DOCK10: variants seen among roughly 807,000 people sequenced by gnomAD.
DOCK10 encodes dedicator of cytokinesis protein 10.
In DOCK10, 145 loss-of-function variants were observed where a neutral mutation model predicts 280.1. That is an observed-to-expected ratio of 0.52 (90% CI 0.45 to 0.59). DOCK10 has a LOEUF of 0.59. Among genes scored for constraint, DOCK10 ranks in the 20% least tolerant of loss-of-function variants. DOCK10 has a pLI of 0.00. For missense variants in DOCK10, 2,368 were observed against 2,651.7 expected (o/e 0.89, Z 2.35); for synonymous variants, 915 against 942.2 (o/e 0.97, Z 0.53).
intron 1 of DOCK10, among the ~76,000 whole-genome samples, chr2:225,004,209 A>G (rs1706512717): frequency 6.6e-6 from 1 of 152,228 alleles, no homozygotes; most frequent in Non-Finnish European, 1.5e-5. Context: ...ATCCTCTTGG[A>G]TTATTTAAGC....
intron 26 of DOCK10, among the ~76,000 whole-genome samples, chr2:224,832,306 A>G (rs1318987143): frequency 6.6e-6 from 1 of 152,172 alleles, no homozygotes; most frequent in Non-Finnish European, 1.5e-5. Context: ...CATTCAACAA[A>G]TTCTGTTCTG....
At chr2:224,976,453 T>A (rs1267379329) in intron 1 of DOCK10, among the ~76,000 whole-genome samples, 1 of 152,124 alleles carries the variant, frequency 6.6e-6, no homozygotes, top group Admixed American at 6.5e-5. Context: ...ACAGGACAGA[T>A]AATAGTCCCC....
At chr2:224,831,058 C>T (rs915497606) in intron 26 of DOCK10, among the ~76,000 whole-genome samples, 3 of 152,042 alleles carry the variant, frequency 2.0e-5, no homozygotes, top group African/African-American at 4.8e-5. Flanking sequence ...CTCAGTCTCC[C>T]GGACAGCTGC....
chr2:224,795,583 C>A (rs1221904539), intron 44 of DOCK10, among the ~76,000 whole-genome samples: 1 of 152,198 alleles, frequency 6.6e-6, no homozygotes, highest in Admixed American at 6.5e-5. Flanking sequence ...TCATAAGATA[C>A]TACCAAGGTC....
chr2:224,873,792 C>A (rs1363069403), intron 11 of DOCK10, among the ~76,000 whole-genome samples: 1 of 151,880 alleles, frequency 6.6e-6, no homozygotes, highest in Non-Finnish European at 1.5e-5. Context: ...TTTTATTAGG[C>A]TTTATTCATA....
chr2:225,042,101 G>A lies in DOCK10; in HGVS notation c.123+151C>T, dbSNP rs116446749. On this transcript the variant is annotated intron_variant, in intron 1 of 55. Transcript: ENST00000258390. This position sits in a 1 kb window ranked among gnomAD's most constrained non-coding sequence, Gnocchi z 5.1. ...CTGCCTCGCTGAGGTGGCGCCGGGG[G>A]AGCCCGCAGAGGCGGCGGGGGAGGG... is the stretch of plus-strand genomic sequence containing the variant. 7.3e-3 allele frequency: 7,259 copies of A among 989,220 alleles called. 374 individuals are homozygous for A. In the African/African-American group the frequency reaches 0.11, roughly 14 times the overall value. The allele number at this position is 989,220 out of a possible 1,614,324, so 61.3% of individuals were successfully genotyped here. A position where few individuals can be genotyped will look rare whatever the true frequency, so the allele number is the denominator to read the frequency against.
intron 1 of DOCK10, among the ~76,000 whole-genome samples, chr2:224,975,073 G>C (rs1431738736): frequency 6.6e-6 from 1 of 150,858 alleles, no homozygotes; most frequent in Admixed American, 6.6e-5. Context: ...TTTTTTCTTT[G>C]CTTCTAATCA....
chr2:224,950,178 T>C (rs115976467), intron 1 of DOCK10, among the ~76,000 whole-genome samples: 1 of 152,188 alleles, frequency 6.6e-6, no homozygotes, highest in Non-Finnish European at 1.5e-5. Flanking sequence ...CAGAGATGGT[T>C]TGCATTAATC....
chr2:224,845,136 GAAGAT>G (rs1696250689), intron 21 of DOCK10, 62 bp downstream of exon 21: 2 of 1,461,588 alleles, frequency 1.4e-6, no homozygotes, highest in South Asian at 2.6e-5. Context: ...AGCAGAGAAA[GAAGAT>G]AATCTTATGC....
At chr2:224,905,918 C>A (rs138745449) in intron 3 of DOCK10, among the ~76,000 whole-genome samples, 1 of 152,084 alleles carries the variant, frequency 6.6e-6, no homozygotes, top group Non-Finnish European at 1.5e-5. Context: ...GCATACTCTT[C>A]CAGGTTTAAA....
rs775421344 is a variant in DOCK10, at chr2:224,874,681, G to A, written c.1002C>T (p.His334=). Residue 334 remains histidine, a synonymous_variant, in exon 9 of 56, where the codon CAC becomes CAT. Coordinates refer to ENST00000258390, the MANE Select transcript of DOCK10 (RefSeq NM_014689.3). ...EETDSSENNL[H]ADFAKYLTET... ...ACTTTATTACCTTTGCAAAGTCTGC[G>A]TGTAGGTTGTTCTCTGAAGAATCTG... 5.1e-5 allele frequency: 82 copies of A among 1,613,706 alleles called. No individual in the cohort carries two copies. The highest frequency in any genetic ancestry group is 1.8e-4 in the East Asian group (8 of 44,888).
intron 1 of DOCK10, among the ~76,000 whole-genome samples, chr2:224,959,509 C>T (rs1006608856): frequency 6.7e-6 from 1 of 149,572 alleles, no homozygotes; most frequent in Non-Finnish European, 1.5e-5. Context: ...GCTCCTCTTT[C>T]TCCACATTTA....
At chr2:224,831,471 C>T (rs898135384) in intron 26 of DOCK10, among the ~76,000 whole-genome samples, 1 of 152,224 alleles carries the variant, frequency 6.6e-6, no homozygotes. Context: ...CCCTTTTCTT[C>T]TCGCCCAAGG....
intron 1 of DOCK10, among the ~76,000 whole-genome samples, chr2:224,978,814 G>A (rs1397218257): frequency 1.3e-5 from 2 of 152,040 alleles, no homozygotes; most frequent in African/African-American, 2.4e-5. Context: ...GACCTAACAG[G>A]GATTTCAAAC....
At chr2:224,927,530 T>C (rs1194427684) in intron 2 of DOCK10, among the ~76,000 whole-genome samples, 1 of 152,134 alleles carries the variant, frequency 6.6e-6, no homozygotes, top group African/African-American at 2.4e-5. Flanking sequence ...GCAGAGTGAA[T>C]AGAGAAAAAC....
At chr2:224,843,756 T>C (rs969817736) in intron 22 of DOCK10, among the ~76,000 whole-genome samples, 1 of 152,244 alleles carries the variant, frequency 6.6e-6, no homozygotes, top group Admixed American at 6.5e-5. Flanking sequence ...AAAACTCACA[T>C]TGTGGTAAAA....
At chr2:224,957,458 A>G (rs1262333803) in intron 1 of DOCK10, among the ~76,000 whole-genome samples, 1 of 151,366 alleles carries the variant, frequency 6.6e-6, no homozygotes, top group South Asian at 2.1e-4. Flanking sequence ...ACCTTTTTTC[A>G]TTTTAATTTT....
At chr2:224,941,750 A>G (rs190099374) in intron 1 of DOCK10, among the ~76,000 whole-genome samples, 1,620 of 151,928 alleles carry the variant, frequency 0.011, 14 homozygotes, top group Non-Finnish European at 0.018. Context: ...AGACCGAGGC[A>G]GGAGAATCTC....
At chr2:224,983,508 G>GAAAAAAA (rs35123622) in intron 1 of DOCK10, 1 of 198,146 alleles carries the variant, frequency 5.0e-6, no homozygotes, top group African/African-American at 2.3e-5. Flanking sequence ...GAGATTCAAA[G>GAAAAAAA]AAAAAAAAAT....
Sources: allele counts gnomAD v4.1 joint callset (sites outside exome capture counted in the v4.1 genomes callset), GRCh38; gene constraint gnomAD v4.1.1; non-coding constraint Gnocchi (gnomAD v3.1); transcripts MANE v1.5; gene names NCBI Gene and HGNC (gene_info 2026-07-23, HGNC 2026-07-21).